The following COA1 variants were observed in gnomAD, a reference collection of about 807,000 sequenced individuals.
COA1 encodes cytochrome c oxidase assembly factor 1 homolog.
Under a neutral mutation model 16.0 loss-of-function variants are expected in COA1, and 13 were observed. The observed-to-expected ratio is 0.81, with a 90% CI of 0.53 to 1.29. The LOEUF is 1.29. Among genes scored for constraint, COA1 ranks in the 50% most tolerant of loss-of-function variants. The pLI is 0.00. For synonymous variants in COA1, 65 were observed against 65.7 expected (o/e 0.99, Z 0.05); for missense variants, 179 against 177.0 (o/e 1.01, Z -0.06).
intron 1 of COA1, among the ~76,000 whole-genome samples, chr7:43,674,677 T>G (rs1298109086): frequency 1.3e-5 from 2 of 152,230 alleles, no homozygotes; most frequent in East Asian, 3.8e-4. Context: ...GTGTGATTTG[T>G]GACAAATGGA....
chr7:43,691,427 AAGAAAGAAAGAAAG>A (rs1563385868), intron 1 of COA1, among the ~76,000 whole-genome samples: 1,043 of 61,436 alleles, frequency 0.017, 30 homozygotes, highest in African/African-American at 0.059. Context: ...AAGAAAAAGA[AAGAAAGAAAGAAAG>A]AAAGAAAGAA....
chr7:43,624,430 A>G, intron 6 of COA1: 1 of 1,304,892 alleles, frequency 7.7e-7, no homozygotes, highest in East Asian at 2.6e-5. Flanking sequence ...AGACTTCCCA[A>G]AATATAATGC....
At chr7:43,705,548 G>A (rs183638846) in intron 1 of COA1, among the ~76,000 whole-genome samples, 58 of 152,316 alleles carry the variant, frequency 3.8e-4, no homozygotes, top group Admixed American at 1.6e-3. Context: ...GTTGGGGGAG[G>A]TCCTCAGATC....
At chr7:43,669,411 C>T (rs2093109562) in intron 1 of COA1, among the ~76,000 whole-genome samples, 3 of 152,132 alleles carry the variant, frequency 2.0e-5, no homozygotes, top group African/African-American at 7.2e-5. Flanking sequence ...TGATTCCTGC[C>T]ACCTTCTTCC....
chr7:43,658,320 C>A (rs2092030334), intron 1 of COA1, among the ~76,000 whole-genome samples: 1 of 151,774 alleles, frequency 6.6e-6, no homozygotes, highest in Non-Finnish European at 1.5e-5. Context: ...GATTGCGCCA[C>A]TGCACTCCAG....
At chr7:43,713,476 C>T (rs766007897) in intron 1 of COA1, among the ~76,000 whole-genome samples, 5 of 152,168 alleles carry the variant, frequency 3.3e-5, no homozygotes, top group Non-Finnish European at 5.9e-5. Flanking sequence ...CCTCTCCCTA[C>T]CTACCTTCCC....
At chr7:43,644,791 C>CAGACAGACAGACAGAGAGAGAGAGAG (rs1563229816) in intron 4 of COA1, among the ~76,000 whole-genome samples, 1 of 23,704 alleles carries the variant, frequency 4.2e-5, no homozygotes, top group Non-Finnish European at 9.1e-5. Flanking sequence ...GGCAGGCAGG[C>CAGACAGACAGACAGAGAGAGAGAGAG]AGAGAGACAG....
At chr7:43,702,544 G>C (rs1032281262) in intron 1 of COA1, among the ~76,000 whole-genome samples, 1 of 152,030 alleles carries the variant, frequency 6.6e-6, no homozygotes. Context: ...CTCCAACTTT[G>C]TTCTTTCTGC....
intron 1 of COA1, among the ~76,000 whole-genome samples, chr7:43,679,666 GTC>G (rs2093680588): frequency 1.3e-5 from 2 of 152,212 alleles, no homozygotes; most frequent in South Asian, 4.1e-4. Flanking sequence ...AGTGCACACT[GTC>G]TAAGTACCTA....
intron 1 of COA1, among the ~76,000 whole-genome samples, chr7:43,690,897 A>G (rs968801121): frequency 1.3e-5 from 2 of 151,762 alleles, no homozygotes; most frequent in Non-Finnish European, 2.9e-5. Context: ...ACAGTGCAAG[A>G]AGGAGGGCCC....
At chr7:43,657,460 G>A (rs921975608) in intron 1 of COA1, among the ~76,000 whole-genome samples, 5 of 152,178 alleles carry the variant, frequency 3.3e-5, no homozygotes, top group African/African-American at 1.2e-4. Flanking sequence ...TCAGTTTGAT[G>A]CCATTTTCAA....
At chr7:43,664,536 C>G (rs2092750751) in intron 1 of COA1, among the ~76,000 whole-genome samples, 1 of 152,100 alleles carries the variant, frequency 6.6e-6, no homozygotes, top group Non-Finnish European at 1.5e-5. Flanking sequence ...GCATGTTCAC[C>G]TTGTAGTAAT....
intron 6 of COA1, among the ~76,000 whole-genome samples, chr7:43,613,914 C>A (rs1231399850): frequency 6.6e-6 from 1 of 152,060 alleles, no homozygotes; most frequent in Non-Finnish European, 1.5e-5. Context: ...CTGGGACTTT[C>A]CATATGAGAT....
chr7:43,722,198 T>A (rs534992844), intron 1 of COA1, among the ~76,000 whole-genome samples: 10 of 151,384 alleles, frequency 6.6e-5, no homozygotes, highest in Non-Finnish European at 1.2e-4. Flanking sequence ...TCAGGTGATC[T>A]TCCCACCTCA....
chr7:43,713,500 A>G (rs931932919), intron 1 of COA1, among the ~76,000 whole-genome samples: 1 of 151,998 alleles, frequency 6.6e-6, no homozygotes, highest in Non-Finnish European at 1.5e-5. Context: ...TCCCTGCCCA[A>G]GTCTCTGGTA....
At chr7:43,717,407 C>T (rs957236399) in intron 1 of COA1, among the ~76,000 whole-genome samples, 8 of 152,172 alleles carry the variant, frequency 5.3e-5, no homozygotes, top group African/African-American at 1.7e-4. Flanking sequence ...TTGACTGCCC[C>T]GCTGGATTTC....
At chr7:43,645,506 G>T in intron 3 of COA1, 107 bp from the exon 4 acceptor site, 1 of 981,560 alleles carries the variant, frequency 1.0e-6, no homozygotes, top group South Asian at 1.4e-5. Context: ...AAACAGAAAC[G>T]TGAAATCTGT....
At chr7:43,724,178 C>T (rs2095564660) in intron 1 of COA1, among the ~76,000 whole-genome samples, 1 of 152,120 alleles carries the variant, frequency 6.6e-6, no homozygotes, top group Admixed American at 6.6e-5. Context: ...AACACTAAAG[C>T]ATACGGGCAG....
intron 3 of COA1, chr7:43,647,199 C>G: frequency 2.8e-6 from 1 of 360,604 alleles, no homozygotes. Flanking sequence ...CACCTGTGAA[C>G]CATCTGGTAT....
Sources: allele counts gnomAD v4.1 joint callset (sites outside exome capture counted in the v4.1 genomes callset), GRCh38; gene constraint gnomAD v4.1.1; transcripts MANE v1.5; gene names NCBI Gene and HGNC (gene_info 2026-07-23, HGNC 2026-07-21).